Variants in CDH13 observed in about 807,000 individuals in gnomAD.
The protein encoded by CDH13 is cadherin 13, also known as cadherin-13.
A neutral mutation model predicts 63.8 loss-of-function variants in CDH13; 24 were observed. The observed-to-expected ratio is 0.38, with a 90% CI of 0.27 to 0.53. The LOEUF is 0.53. Among genes scored for constraint, CDH13 ranks in the 20% least tolerant of loss-of-function variants. CDH13 has a pLI of 0.85. For synonymous variants in CDH13, 503 were observed against 355.3 expected (o/e 1.42, Z -4.67); for missense variants, 1,049 against 903.1 (o/e 1.16, Z -2.07).
At chr16:83,487,843 C>G (rs887732924) in intron 7 of CDH13, among the ~76,000 whole-genome samples, 1 of 152,160 alleles carries the variant, frequency 6.6e-6, no homozygotes, top group African/African-American at 2.4e-5. Flanking sequence ...TCTGCTTTCT[C>G]CTCTCTTATG....
At chr16:83,041,913 A>C (rs924784674) in intron 3 of CDH13, among the ~76,000 whole-genome samples, 10 of 152,200 alleles carry the variant, frequency 6.6e-5, no homozygotes, top group Non-Finnish European at 1.5e-5. Flanking sequence ...ATCACTGATC[A>C]ATTATTCTTA....
chr16:82,673,569 T>A (rs1913547843), intron 1 of CDH13, among the ~76,000 whole-genome samples: 1 of 152,202 alleles, frequency 6.6e-6, no homozygotes, highest in Non-Finnish European at 1.5e-5. Flanking sequence ...AGATAAATAA[T>A]TCTACGAGCC....
chr16:83,518,528 A>G (rs113625392), intron 7 of CDH13, among the ~76,000 whole-genome samples: 4,141 of 146,082 alleles, frequency 0.028, 197 homozygotes, highest in African/African-American at 0.099. Context: ...GCTGGAGTGC[A>G]GTGGTGCAAT....
chr16:82,673,221 T>C (rs921044819), intron 1 of CDH13, among the ~76,000 whole-genome samples: 1 of 152,042 alleles, frequency 6.6e-6, no homozygotes, highest in African/African-American at 2.4e-5. Context: ...ATGCAGGTGT[T>C]TGATTAATTT....
intron 4 of CDH13, among the ~76,000 whole-genome samples, chr16:83,156,646 A>G (rs964524361): frequency 1.3e-5 from 2 of 152,178 alleles, no homozygotes; most frequent in African/African-American, 2.4e-5. Context: ...GACTACATCA[A>G]GTTTTACTCA....
At chr16:83,668,228 A>T (rs1914180179) in intron 8 of CDH13, among the ~76,000 whole-genome samples, 1 of 152,088 alleles carries the variant, frequency 6.6e-6, no homozygotes, top group African/African-American at 2.4e-5. Context: ...CACTTCCTAT[A>T]CTTAAGATCA....
chr16:82,821,420 T>C (rs1041420625), intron 1 of CDH13, among the ~76,000 whole-genome samples: 1 of 152,224 alleles, frequency 6.6e-6, no homozygotes, highest in African/African-American at 2.4e-5. Flanking sequence ...CCTATGCCCC[T>C]TGGTGAATTC....
chr16:83,217,584 T>A, intron 5 of CDH13, 87 bp downstream of exon 5: 1 of 1,393,584 alleles, frequency 7.2e-7, no homozygotes, highest in Non-Finnish European at 9.9e-7. Flanking sequence ...ATTATTTCTG[T>A]GCCTCATCAA....
intron 6 of CDH13, among the ~76,000 whole-genome samples, chr16:83,377,744 A>G (rs889745547): frequency 3.3e-5 from 5 of 152,274 alleles, no homozygotes; most frequent in Admixed American, 3.3e-4. Context: ...CCAGAAACCC[A>G]TGTTTTGGGA....
intron 7 of CDH13, among the ~76,000 whole-genome samples, chr16:83,590,462 G>A (rs889328736): frequency 6.6e-6 from 1 of 152,166 alleles, no homozygotes; most frequent in African/African-American, 2.4e-5. Context: ...GAACGGCCAG[G>A]TTGTGGGGAA....
chr16:83,429,990 T>C (rs1223830929), intron 6 of CDH13, among the ~76,000 whole-genome samples: 5 of 152,188 alleles, frequency 3.3e-5, no homozygotes, highest in African/African-American at 1.2e-4. Context: ...TTCCCCTCTT[T>C]GAGTCTATAA....
At position 82,685,233 on chromosome 16, in the gene CDH13, C is replaced by T. The variant is rs572437076; in HGVS notation, c.45+58096C>T. ...AACAATGAATGCTCATTTCACAGTT[C>T]TGGAGGCTGGGATGTTCAAGATCAA... On this transcript the variant is annotated intron_variant, in intron 1 of 13. Coordinates refer to ENST00000567109, the MANE Select transcript of CDH13 (RefSeq NM_001257.5). 3.3e-5 allele frequency among the ~76,000 whole-genome samples: 5 copies of T among 152,326 alleles called. No individual in the cohort carries two copies. In the South Asian group the frequency reaches 1.0e-3, roughly 32 times the overall value.
chr16:83,472,769 C>T (rs972135455), intron 6 of CDH13, among the ~76,000 whole-genome samples: 5 of 152,082 alleles, frequency 3.3e-5, no homozygotes, highest in Non-Finnish European at 7.4e-5. Context: ...CCAGAAGCTA[C>T]TGGATCGAAT....
intron 1 of CDH13, among the ~76,000 whole-genome samples, chr16:82,856,983 AAC>A (rs1354262998): frequency 2.0e-5 from 3 of 152,176 alleles, no homozygotes; most frequent in African/African-American, 7.2e-5. Flanking sequence ...TTAATTTCCA[AAC>A]ACTCTCTTCT....
chr16:82,814,965 G>T (rs1041086079), intron 1 of CDH13, among the ~76,000 whole-genome samples: 2 of 152,148 alleles, frequency 1.3e-5, no homozygotes, highest in Non-Finnish European at 2.9e-5. Context: ...CTCATACTTG[G>T]TGTCAAAACT....
chr16:83,464,820 T>A (rs960848256), intron 6 of CDH13, among the ~76,000 whole-genome samples: 19 of 152,134 alleles, frequency 1.2e-4, no homozygotes, highest in African/African-American at 4.6e-4. Flanking sequence ...AAAGTGATAA[T>A]GTATTTTTGA....
chr16:83,364,451 T>A (rs1266953691), intron 6 of CDH13, among the ~76,000 whole-genome samples: 1 of 152,204 alleles, frequency 6.6e-6, no homozygotes, highest in Admixed American at 6.5e-5. Flanking sequence ...CATTTACAGA[T>A]AAGGACCTGA....
chr16:82,973,792 G>A lies in CDH13; in HGVS notation c.158-58218G>A, dbSNP rs539942642. Among the ~76,000 whole-genome samples the A allele has an allele frequency of 2.0e-5, 3 of 152,302 alleles. No homozygotes were observed. In the South Asian group the frequency reaches 6.2e-4, roughly 32 times the overall value. On this transcript the variant is annotated intron_variant, in intron 2 of 13. Transcript: ENST00000567109. Reference sequence around the variant, plus strand: ...AGCCATCAACAAGGTGCACAAATATGTCTTTTTGCTTATACAGTAGTCATA... The same window carrying A: ...AGCCATCAACAAGGTGCACAAATATATCTTTTTGCTTATACAGTAGTCATA...
At chr16:83,090,825 A>C (rs2033870715) in intron 3 of CDH13, among the ~76,000 whole-genome samples, 1 of 152,124 alleles carries the variant, frequency 6.6e-6, no homozygotes, top group South Asian at 2.1e-4. Flanking sequence ...AATAAAAACA[A>C]ATCCGGAAAC....
Sources: gnomAD v4.1 joint callset for allele counts (sites outside exome capture counted in the v4.1 genomes callset) on GRCh38, gnomAD v4.1.1 for gene constraint, MANE v1.5 for transcripts, NCBI Gene and HGNC (gene_info 2026-07-23, HGNC 2026-07-21) for gene names.